C8orf34: variants seen among roughly 807,000 people sequenced by gnomAD.
C8orf34 encodes the protein chromosome 8 open reading frame 34.
In C8orf34, 65 loss-of-function variants were observed where a neutral mutation model predicts 68.3. That is an observed-to-expected ratio of 0.95 (90% CI 0.78 to 1.17). The LOEUF is 1.17. C8orf34 is among the 50% of genes most tolerant of loss of function. The pLI is 0.00. For missense variants in C8orf34, 664 were observed against 655.4 expected, an observed-to-expected ratio of 1.01 and a Z score of -0.14; for synonymous variants, 244 against 241.2, an observed-to-expected ratio of 1.01 and a Z score of -0.11.
At chr8:68,627,728 C>G (rs2130677117) in intron 7 of C8orf34, among the ~76,000 whole-genome samples, 1 of 152,256 alleles carries the variant, frequency 6.6e-6, no homozygotes, top group South Asian at 2.1e-4. Flanking sequence ...ATTTTTCTAA[C>G]AGAAGAGCCT....
intron 12 of C8orf34, among the ~76,000 whole-genome samples, chr8:68,790,147 G>A (rs1823952797): frequency 6.6e-6 from 1 of 152,178 alleles, no homozygotes; most frequent in African/African-American, 2.4e-5. Context: ...TGTATACATT[G>A]GAGCCACTGA....
intron 3 of C8orf34, among the ~76,000 whole-genome samples, chr8:68,454,672 C>G (rs1811476394): frequency 6.6e-6 from 1 of 151,830 alleles, no homozygotes; most frequent in Admixed American, 6.6e-5. Context: ...GTTTTCTTAA[C>G]TTTTTCATCT....
At chr8:68,763,809 A>C (rs1436717518) in intron 10 of C8orf34, among the ~76,000 whole-genome samples, 1 of 152,206 alleles carries the variant, frequency 6.6e-6, no homozygotes, top group East Asian at 1.9e-4. Flanking sequence ...CCCTGCACTA[A>C]GTGCTATTAA....
At chr8:68,812,547 G>T (rs1191020418) in intron 12 of C8orf34, among the ~76,000 whole-genome samples, 1 of 151,934 alleles carries the variant, frequency 6.6e-6, no homozygotes, top group East Asian at 1.9e-4. Flanking sequence ...TTTTTTTAAG[G>T]TTTCTACCAC....
rs572606028 is a variant in C8orf34, at chr8:68,416,022, G to T, written c.328-23477G>T. ...AATACCTGCTTCACAGATTGTTGTT[G>T]TGAGCATGAAAAAAATGTATTGAAA... On this transcript the variant is annotated intron_variant, in intron 1 of 13. Coordinates refer to ENST00000518698, the MANE Select transcript of C8orf34 (RefSeq NM_052958.4). 9.2e-5 allele frequency among the ~76,000 whole-genome samples: 14 copies of T among 152,220 alleles called. No individual in the cohort carries two copies. In the East Asian group the frequency reaches 2.7e-3, roughly 29 times the overall value.
chr8:68,593,923 T>C (rs2130453362), intron 7 of C8orf34, among the ~76,000 whole-genome samples: 1 of 152,280 alleles, frequency 6.6e-6, no homozygotes, highest in South Asian at 2.1e-4. Context: ...CAAATTTTGA[T>C]ATATGTTTTT....
At chr8:68,492,042 T>C (rs1213447949) in intron 5 of C8orf34, among the ~76,000 whole-genome samples, 1 of 152,196 alleles carries the variant, frequency 6.6e-6, no homozygotes, top group African/African-American at 2.4e-5. Flanking sequence ...TCCCTCATTC[T>C]TTTATAGGTT....
chr8:68,367,907 G>GAAAAAAAAAAAAAAAAA (rs1807360133), intron 1 of C8orf34, among the ~76,000 whole-genome samples: 1 of 15,032 alleles, frequency 6.7e-5, no homozygotes, highest in Non-Finnish European at 1.3e-4. Flanking sequence ...AATAAAAAAA[G>GAAAAAAAAAAAAAAAAA]AAAAGAAAAA....
chr8:68,467,129 C>T (rs192343734), intron 3 of C8orf34, among the ~76,000 whole-genome samples: 3 of 152,038 alleles, frequency 2.0e-5, no homozygotes, highest in African/African-American at 7.2e-5. Context: ...GAGGCATTAT[C>T]TCTTGACATC....
chr8:68,671,002 T>G (rs1356012582), intron 8 of C8orf34, among the ~76,000 whole-genome samples: 1 of 152,198 alleles, frequency 6.6e-6, no homozygotes, highest in Non-Finnish European at 1.5e-5. Flanking sequence ...CCTCCCTATC[T>G]AGCACAACTT....
chr8:68,445,884 G>A (rs982552249), intron 2 of C8orf34, among the ~76,000 whole-genome samples: 7 of 152,086 alleles, frequency 4.6e-5, no homozygotes, highest in African/African-American at 1.4e-4. Context: ...CTGCCTTCCG[G>A]GTTCAAGTAA....
At chr8:68,817,413 A>C (rs1824852536) in intron 13 of C8orf34, among the ~76,000 whole-genome samples, 1 of 152,106 alleles carries the variant, frequency 6.6e-6, no homozygotes, top group Non-Finnish European at 1.5e-5. Context: ...GTGTGCAAAA[A>C]CAACCAGACT....
chr8:68,663,334 T>G (rs909709666), intron 8 of C8orf34, among the ~76,000 whole-genome samples: 4 of 152,250 alleles, frequency 2.6e-5, no homozygotes, highest in African/African-American at 4.8e-5. Context: ...AAGATACACA[T>G]GTTATTAAAC....
At chr8:68,718,741 G>T (rs1312441254) in intron 9 of C8orf34, among the ~76,000 whole-genome samples, 1 of 152,150 alleles carries the variant, frequency 6.6e-6, no homozygotes, top group African/African-American at 2.4e-5. Flanking sequence ...GCTGAAAAAA[G>T]TTGGATGTAG....
chr8:68,728,999 A>C (rs1192466088), intron 10 of C8orf34, among the ~76,000 whole-genome samples: 1 of 152,210 alleles, frequency 6.6e-6, no homozygotes, highest in African/African-American at 2.4e-5. Context: ...TAGAAACTTA[A>C]AAAATAATGA....
intron 1 of C8orf34, among the ~76,000 whole-genome samples, chr8:68,379,756 A>T (rs752269293): frequency 2.6e-5 from 4 of 152,224 alleles, no homozygotes; most frequent in African/African-American, 9.6e-5. Flanking sequence ...AAAAGAAAAA[A>T]GTCAGGATCA....
intron 1 of C8orf34, among the ~76,000 whole-genome samples, chr8:68,395,063 T>C (rs1246996039): frequency 6.6e-6 from 1 of 152,058 alleles, no homozygotes. Context: ...GTAATATGAA[T>C]GTCTCCATAC....
intron 8 of C8orf34, among the ~76,000 whole-genome samples, chr8:68,690,820 T>C (rs745582288): frequency 6.6e-6 from 1 of 152,018 alleles, no homozygotes; most frequent in Non-Finnish European, 1.5e-5. Flanking sequence ...CTTGAACAAA[T>C]AGAGGCAATT....
intron 8 of C8orf34, among the ~76,000 whole-genome samples, chr8:68,683,884 T>A (rs1344759457): frequency 6.6e-6 from 1 of 152,184 alleles, no homozygotes; most frequent in Non-Finnish European, 1.5e-5. Context: ...TCTGGCTGAC[T>A]GTGTTCCCAG....
Sources: gnomAD v4.1 joint callset for allele counts (sites outside exome capture counted in the v4.1 genomes callset) on GRCh38, gnomAD v4.1.1 for gene constraint, MANE v1.5 for transcripts, NCBI Gene and HGNC (gene_info 2026-07-23, HGNC 2026-07-21) for gene names.